Variants in DTNBP1 observed in about 807,000 individuals in gnomAD.
The protein encoded by DTNBP1 is dysbindin.
Under a neutral mutation model 42.8 loss-of-function variants are expected in DTNBP1, and 35 were observed. The observed-to-expected ratio is 0.82, with a 90% confidence interval of 0.63 to 1.09. The LOEUF (loss-of-function observed/expected upper bound fraction) is 1.09. Among genes scored for constraint, DTNBP1 ranks in the 50% least tolerant of loss-of-function variants. The probability of loss-of-function intolerance (pLI) is 0.00; values close to 1 mark genes in which losing one functional copy is unlikely to be tolerated. For missense variants in DTNBP1, 457 were observed against 424.2 expected (o/e 1.08, Z -0.68); for synonymous variants, 171 against 162.2 (o/e 1.05, Z -0.41).
At chr6:15,554,261 T>C (rs760438145) in intron 7 of DTNBP1, among the ~76,000 whole-genome samples, 5 of 152,174 alleles carry the variant, frequency 3.3e-5, no homozygotes, top group African/African-American at 4.8e-5. Context: ...CTTCTTCTTA[T>C]TATTTGAGAT....
At chr6:15,588,037 A>G (rs1776150283) in intron 7 of DTNBP1, among the ~76,000 whole-genome samples, 1 of 152,252 alleles carries the variant, frequency 6.6e-6, no homozygotes, top group South Asian at 2.1e-4. Context: ...GACTTGCATA[A>G]GAAAGTTGAT....
intron 7 of DTNBP1, among the ~76,000 whole-genome samples, chr6:15,559,379 C>T (rs1774711773): frequency 6.6e-6 from 1 of 152,138 alleles, no homozygotes; most frequent in Non-Finnish European, 1.5e-5. Context: ...AAAAAATTGT[C>T]ATTTTGAAGT....
chr6:15,609,101 T>A (rs1405829981), intron 6 of DTNBP1, among the ~76,000 whole-genome samples: 1 of 152,088 alleles, frequency 6.6e-6, no homozygotes, highest in Non-Finnish European at 1.5e-5. Flanking sequence ...TTCCTCAGAC[T>A]TTTTGTTCTC....
At chr6:15,593,148 T>C in intron 6 of DTNBP1, 67 bp from the exon 7 acceptor site, 1 of 1,410,530 alleles carries the variant, frequency 7.1e-7, no homozygotes, top group South Asian at 1.3e-5. Context: ...AAACTGTTCT[T>C]CCATCATAAT....
intron 5 of DTNBP1, among the ~76,000 whole-genome samples, chr6:15,626,542 C>T (rs561954128): frequency 3.3e-5 from 5 of 152,258 alleles, no homozygotes; most frequent in African/African-American, 1.2e-4. Context: ...CAGCTCCTAC[C>T]TCCTACTTTA....
intron 7 of DTNBP1, among the ~76,000 whole-genome samples, chr6:15,542,002 T>TA (rs1258360624): frequency 2.0e-5 from 3 of 152,180 alleles, no homozygotes; most frequent in African/African-American, 7.2e-5. Context: ...CAGTAACACT[T>TA]ACTACATATG....
intron 6 of DTNBP1, chr6:15,614,969 C>A: frequency 2.1e-6 from 1 of 466,990 alleles, no homozygotes; most frequent in South Asian, 1.8e-5. Flanking sequence ...CAGTCATTTG[C>A]CTCTTGGAGA....
intron 5 of DTNBP1, among the ~76,000 whole-genome samples, chr6:15,617,237 GAA>G (rs1344059170): frequency 6.6e-6 from 1 of 151,956 alleles, no homozygotes; most frequent in Non-Finnish European, 1.5e-5. Flanking sequence ...ACACAAAAAT[GAA>G]AAGACATCCC....
chr6:15,605,806 C>T (rs1429493375), intron 6 of DTNBP1, among the ~76,000 whole-genome samples: 1 of 152,214 alleles, frequency 6.6e-6, no homozygotes, highest in African/African-American at 2.4e-5. Context: ...CTGTAGCACT[C>T]ATCTTCTGAA....
chr6:15,612,942 T>C (rs1289839709), intron 6 of DTNBP1, among the ~76,000 whole-genome samples: 3 of 152,178 alleles, frequency 2.0e-5, no homozygotes, highest in South Asian at 2.1e-4. Context: ...TTAAGGGAAG[T>C]TCCTCTTTTC....
At chr6:15,528,864 C>A (rs941282419) in intron 8 of DTNBP1, among the ~76,000 whole-genome samples, 2 of 152,210 alleles carry the variant, frequency 1.3e-5, no homozygotes, top group African/African-American at 4.8e-5. Context: ...CAGGCCCCAC[C>A]TCACACCTGC....
At chr6:15,576,658 A>G (rs1775586663) in intron 7 of DTNBP1, among the ~76,000 whole-genome samples, 1 of 151,284 alleles carries the variant, frequency 6.6e-6, no homozygotes, top group Non-Finnish European at 1.5e-5. Flanking sequence ...AATTCTAGCT[A>G]CTCAGGAGGC....
chr6:15,544,674 T>G (rs1265390129), intron 7 of DTNBP1, among the ~76,000 whole-genome samples: 1 of 152,230 alleles, frequency 6.6e-6, no homozygotes, highest in Non-Finnish European at 1.5e-5. Flanking sequence ...CATGGGAGCA[T>G]TTAGGATTTC....
chr6:15,568,963 T>C (rs977663573), intron 7 of DTNBP1, among the ~76,000 whole-genome samples: 6 of 152,218 alleles, frequency 3.9e-5, no homozygotes, highest in African/African-American at 1.4e-4. Flanking sequence ...CCTCAACCCC[T>C]GTGTTGTTCA....
chr6:15,638,068 T>C (rs776170417), intron 3 of DTNBP1, among the ~76,000 whole-genome samples: 2 of 152,034 alleles, frequency 1.3e-5, no homozygotes, highest in Non-Finnish European at 2.9e-5. Context: ...ATGTAAATAA[T>C]TGAATAAATA....
Position 15,589,304 on chromosome 6 carries a change from T to C in DTNBP1, c.511+3755A>G, listed in dbSNP as rs769939654. 2.4e-4 allele frequency among the ~76,000 whole-genome samples: 36 copies of C among 152,242 alleles called. 1 individual carries two copies. The highest frequency in any genetic ancestry group is 4.6e-4 in the Non-Finnish European group (31 of 68,040). On this transcript the variant is annotated intron_variant, in intron 7 of 9. Coordinates refer to ENST00000344537, the MANE Select transcript of DTNBP1 (RefSeq NM_032122.5). ...TTTAGCCATCATCATCACTGGGAAT[T>C]GCTCCCCTTCTAAGATTTCAAACTG...
chr6:15,623,277 T>C lies in DTNBP1; in HGVS notation c.355+4066A>G, dbSNP rs547440802. Among the ~76,000 whole-genome samples the C allele has an allele frequency of 2.0e-5, 3 of 152,290 alleles. No individual in the cohort carries two copies. In the East Asian group the frequency reaches 5.8e-4, roughly 29 times the overall value. The stretch of plus-strand genomic sequence containing the variant: ...TTGTTAGATGCCCTCTAAAATTCTG[T>C]ACAGAAAAAAGCAAAATAATACTGT... On this transcript the variant is annotated intron_variant, in intron 5 of 9. Coordinates refer to ENST00000344537, the MANE Select transcript of DTNBP1 (RefSeq NM_032122.5).
chr6:15,594,356 T>A (rs1435837797), intron 6 of DTNBP1, among the ~76,000 whole-genome samples: 3 of 150,740 alleles, frequency 2.0e-5, no homozygotes, highest in African/African-American at 7.3e-5. Context: ...TCCCAGCTAC[T>A]AGGGAGGCTG....
At chr6:15,534,185 G>A (rs1265435375) in intron 7 of DTNBP1, among the ~76,000 whole-genome samples, 1 of 152,214 alleles carries the variant, frequency 6.6e-6, no homozygotes, top group Admixed American at 6.5e-5. Context: ...GGGCGTGGGA[G>A]CTTAGTGGTT....
Sources: allele counts gnomAD v4.1 joint callset (sites outside exome capture counted in the v4.1 genomes callset), GRCh38; gene constraint gnomAD v4.1.1; transcripts MANE v1.5; gene names NCBI Gene and HGNC (gene_info 2026-07-23, HGNC 2026-07-21).